The following CFAP20DC variants were observed in gnomAD, a reference collection of about 807,000 sequenced individuals.
CFAP20DC encodes the protein CFAP20 domain containing, also known as protein CFAP20DC.
Under a neutral mutation model 101.7 loss-of-function variants are expected in CFAP20DC, and 84 were observed. That is an observed-to-expected ratio of 0.83 (90% CI 0.69 to 0.99). The LOEUF (loss-of-function observed/expected upper bound fraction) is 0.99. Ranked by LOEUF, CFAP20DC falls within the 50% of genes least tolerant of loss-of-function variation. The pLI is 0.00. For synonymous variants in CFAP20DC, 359 were observed against 351.2 expected, an observed-to-expected ratio of 1.02 and a Z score of -0.25; for missense variants, 1,007 against 970.3, an observed-to-expected ratio of 1.04 and a Z score of -0.50.
At chr3:58,977,528 A>C (rs914367600) in intron 4 of CFAP20DC, among the ~76,000 whole-genome samples, 1 of 152,190 alleles carries the variant, frequency 6.6e-6, no homozygotes, top group Non-Finnish European at 1.5e-5. Context: ...GCTATAGTGC[A>C]TGTGTAGCTG....
intron 5 of CFAP20DC, among the ~76,000 whole-genome samples, chr3:58,922,308 T>A (rs2085466611): frequency 1.3e-5 from 2 of 152,182 alleles, no homozygotes; most frequent in South Asian, 2.1e-4. Flanking sequence ...ATTGAAAACA[T>A]TTTTTAGCAT....
chr3:58,749,701 A>G (rs555082869), intron 16 of CFAP20DC, among the ~76,000 whole-genome samples: 2 of 148,084 alleles, frequency 1.4e-5, no homozygotes, highest in South Asian at 4.2e-4. Flanking sequence ...TACAGGCCTG[A>G]AGACAGAGGT....
At chr3:58,989,412 C>A (rs1576613861) in intron 4 of CFAP20DC, among the ~76,000 whole-genome samples, 1 of 152,088 alleles carries the variant, frequency 6.6e-6, no homozygotes, top group Non-Finnish European at 1.5e-5. Context: ...TAGAGTTTCA[C>A]TGGATACAGC....
intron 4 of CFAP20DC, among the ~76,000 whole-genome samples, chr3:59,024,946 G>A (rs2093867427): frequency 6.6e-6 from 1 of 152,146 alleles, no homozygotes; most frequent in Non-Finnish European, 1.5e-5. Flanking sequence ...TGCATTTGGA[G>A]GATCTGTGAT....
At chr3:58,750,271 TG>T (rs1227033928) in intron 16 of CFAP20DC, among the ~76,000 whole-genome samples, 2 of 152,170 alleles carry the variant, frequency 1.3e-5, no homozygotes, top group African/African-American at 4.8e-5. Context: ...TATATTTCCC[TG>T]CTGATAAAAT....
At chr3:58,895,814 A>G (rs1224676115) in intron 6 of CFAP20DC, among the ~76,000 whole-genome samples, 2 of 152,246 alleles carry the variant, frequency 1.3e-5, no homozygotes, top group Non-Finnish European at 2.9e-5. Flanking sequence ...AGGCCTCAGA[A>G]TCATGGTGAA....
rs2081479313 is a variant in CFAP20DC, at chr3:58,884,710, C to T, written c.551-1G>A. 11 of 1,593,684 alleles carry T rather than the reference C, an allele frequency of 6.9e-6. No individual in the cohort carries two copies. Among genetic ancestry groups the T allele is most frequent in the Non-Finnish European group, 9.4e-6 (11 of 1,167,974 alleles). Reference sequence around the variant, plus strand: ...GTTGAAAAGGGAACACCATAGACAGCTGGAAATAAAGACAAACATTCATTT... The same window carrying T: ...GTTGAAAAGGGAACACCATAGACAGTTGGAAATAAAGACAAACATTCATTT... On this transcript the variant is annotated splice_acceptor_variant, in intron 6 of 16. Transcript: ENST00000482387. LOFTEE classifies it high-confidence loss of function.
At chr3:59,038,350 T>C (rs1038530179) in intron 4 of CFAP20DC, among the ~76,000 whole-genome samples, 1 of 152,092 alleles carries the variant, frequency 6.6e-6, no homozygotes, top group Non-Finnish European at 1.5e-5. Context: ...ACCATGAAGT[T>C]TGAAAATAGA....
chr3:59,048,762 A>T (rs1700076807), intron 1 of CFAP20DC, among the ~76,000 whole-genome samples: 1 of 152,204 alleles, frequency 6.6e-6, no homozygotes, highest in Admixed American at 6.5e-5. Context: ...GATTAGATAC[A>T]GTAACAAACG....
intron 5 of CFAP20DC, among the ~76,000 whole-genome samples, chr3:58,919,707 C>T (rs1407045672): frequency 1.3e-5 from 2 of 152,150 alleles, no homozygotes; most frequent in Non-Finnish European, 2.9e-5. Context: ...TCAATGTAAA[C>T]ATCTATATAC....
intron 4 of CFAP20DC, among the ~76,000 whole-genome samples, chr3:58,942,092 T>A (rs765677986): frequency 1.3e-5 from 2 of 152,214 alleles, no homozygotes; most frequent in Non-Finnish European, 2.9e-5. Flanking sequence ...AGAATTTTGT[T>A]AAATGCCTTT....
At chr3:58,856,661 G>T (rs1346744034) in intron 12 of CFAP20DC, among the ~76,000 whole-genome samples, 2 of 152,202 alleles carry the variant, frequency 1.3e-5, no homozygotes, top group Non-Finnish European at 2.9e-5. Context: ...CTAGGTAATA[G>T]AGTGGTGACT....
At chr3:58,825,026 G>T (rs1364439436) in intron 14 of CFAP20DC, among the ~76,000 whole-genome samples, 1 of 152,138 alleles carries the variant, frequency 6.6e-6, no homozygotes, top group African/African-American at 2.4e-5. Flanking sequence ...CAGGGTAGCT[G>T]CACAATAAAC....
chr3:58,995,982 C>CTATCTATCTATCTATG (rs1206162508), intron 4 of CFAP20DC, among the ~76,000 whole-genome samples: 2 of 141,008 alleles, frequency 1.4e-5, no homozygotes, highest in East Asian at 3.9e-4. Flanking sequence ...ATAAATCTAT[C>CTATCTATCTATCTATG]TATCTATCTA....
Position 59,002,005 on chromosome 3 carries a change from G to A in CFAP20DC, c.278+37552C>T, listed in dbSNP as rs1012722937. Among the ~76,000 whole-genome samples, 5 of 152,122 alleles carry A rather than the reference G, an allele frequency of 3.3e-5. No homozygotes were observed. The highest frequency in any genetic ancestry group is 3.8e-4 in the East Asian group (2 of 5,200). On this transcript the variant is annotated intron_variant, in intron 4 of 16. Transcript: ENST00000482387. The surrounding 1 kb of genome is among the most constrained non-coding windows in gnomAD (Gnocchi z 4.5). ...GTAACTTTTGGCATTTTTTAATACCGGGTATATACTAAAATGCCGTGTGGT... is the reference window on the plus strand; with the variant it reads ...GTAACTTTTGGCATTTTTTAATACCAGGTATATACTAAAATGCCGTGTGGT...
chr3:58,740,099 T>C (rs1253390978), downstream of CFAP20DC, among the ~76,000 whole-genome samples: 1 of 152,146 alleles, frequency 6.6e-6, no homozygotes, highest in East Asian at 1.9e-4. This position sits in a 1 kb window ranked among gnomAD's most constrained non-coding sequence, Gnocchi z 4.6. Context: ...GTTGGGTATG[T>C]GGGCACTGGA....
At position 58,760,729 on chromosome 3, in the gene CFAP20DC, G is replaced by A. The variant is rs2069483209; in HGVS notation, c.2238-6866C>T. Among the ~76,000 whole-genome samples the A allele has an allele frequency of 2.0e-5, 3 of 152,180 alleles. No individual in the cohort carries two copies. The South Asian group carries it at 6.2e-4, about 32-fold the overall frequency. On this transcript the variant is annotated intron_variant, in intron 15 of 16. Transcript: ENST00000482387. ...ATCCCAGCAATACCTAATTTATTGA[G>A]AGTTTTTAGCATGAAGGGTTGTTGA...
intron 4 of CFAP20DC, among the ~76,000 whole-genome samples, chr3:58,970,135 T>C (rs567445498): frequency 6.6e-6 from 1 of 152,322 alleles, no homozygotes; most frequent in East Asian, 1.9e-4. Context: ...ACTATTTTTA[T>C]TCCATTACTA....
At chr3:58,848,019 G>T (rs1326257701) in intron 13 of CFAP20DC, among the ~76,000 whole-genome samples, 1 of 119,926 alleles carries the variant, frequency 8.3e-6, no homozygotes, top group African/African-American at 3.2e-5. Flanking sequence ...GACTGTTGTG[G>T]GGTGGGGGGA....
Sources: gnomAD v4.1 joint callset for allele counts (sites outside exome capture counted in the v4.1 genomes callset) on GRCh38, gnomAD v4.1.1 for gene constraint, Gnocchi (gnomAD v3.1) non-coding constraint, MANE v1.5 for transcripts, NCBI Gene and HGNC (gene_info 2026-07-23, HGNC 2026-07-21) for gene names.